Variants in DHX9 observed in about 807,000 individuals in gnomAD.
DHX9 encodes the protein DExH-box helicase 9, also known as ATP-dependent RNA helicase A.
A neutral mutation model predicts 148.7 loss-of-function variants in DHX9; 27 were observed. The observed-to-expected ratio is 0.18, with a 90% confidence interval of 0.13 to 0.25. The LOEUF (loss-of-function observed/expected upper bound fraction) is 0.25. Ranked by LOEUF, DHX9 falls within the 10% of genes least tolerant of loss-of-function variation. The probability of loss-of-function intolerance (pLI) is 1.00; values close to 1 mark genes in which losing one functional copy is unlikely to be tolerated. For synonymous variants in DHX9, 529 were observed against 516.6 expected (o/e 1.02, Z -0.33); for missense variants, 796 against 1,559.6 (o/e 0.51, Z 8.25).
chr1:182,881,257 A>G lies in DHX9; in HGVS notation c.2625-7A>G. On this transcript the variant is annotated splice_region_variant and splice_polypyrimidine_tract_variant and intron_variant, in intron 22 of 27. Transcript: ENST00000367549. ...AGTCTGGATTTAACTGTCTTTGTGT[A>G]TTTCAGCGTGGGAGATGCTATCTGT... 1 of 1,611,060 alleles carries G rather than the reference A, an allele frequency of 6.2e-7. No individual in the cohort carries two copies. The highest frequency in any genetic ancestry group is 8.5e-7 in the Non-Finnish European group (1 of 1,178,816).
intron 1 of DHX9, among the ~76,000 whole-genome samples, chr1:182,840,587 C>T (rs969437377): frequency 6.6e-6 from 1 of 152,148 alleles, no homozygotes; most frequent in African/African-American, 2.4e-5. Flanking sequence ...CGTGAGCCTC[C>T]GCGCCCGCCC....
chr1:182,873,312 C>A (rs1454236536), intron 15 of DHX9, among the ~76,000 whole-genome samples: 1 of 151,948 alleles, frequency 6.6e-6, no homozygotes, highest in Non-Finnish European at 1.5e-5. Context: ...CATCTGGTAG[C>A]TGTGGGGGAA....
intron 3 of DHX9, among the ~76,000 whole-genome samples, chr1:182,851,077 C>T (rs1668135537): frequency 6.6e-6 from 1 of 152,172 alleles, no homozygotes; most frequent in Admixed American, 6.5e-5. Context: ...TGAATTTTTC[C>T]TGTGCCTTGG....
chr1:182,860,856 A>G (rs1209704865), intron 12 of DHX9, among the ~76,000 whole-genome samples: 1 of 152,224 alleles, frequency 6.6e-6, no homozygotes, highest in African/African-American at 2.4e-5. Context: ...CTCTCAGGTT[A>G]AACAGTTCCG....
chr1:182,841,327 T>C (rs1667924006), intron 1 of DHX9, among the ~76,000 whole-genome samples: 1 of 152,066 alleles, frequency 6.6e-6, no homozygotes. Flanking sequence ...AGTTTAAATA[T>C]ATGTATTTGG....
At chr1:182,867,433 T>C (rs1423897248) in intron 14 of DHX9, among the ~76,000 whole-genome samples, 5 of 152,258 alleles carry the variant, frequency 3.3e-5, no homozygotes, top group African/African-American at 1.2e-4. Context: ...GACAGAGTCT[T>C]GCTCTGTCAC....
At chr1:182,885,099 G>A (rs1649264590) in intron 27 of DHX9, among the ~76,000 whole-genome samples, 1 of 152,162 alleles carries the variant, frequency 6.6e-6, no homozygotes, top group Admixed American at 6.5e-5. Flanking sequence ...CACATGACAG[G>A]GAAGTGACAC....
chr1:182,849,992 C>CT (rs58198758), intron 3 of DHX9, among the ~76,000 whole-genome samples: 42 of 107,088 alleles, frequency 3.9e-4, no homozygotes, highest in African/African-American at 4.6e-4. Flanking sequence ...ACCCCCCCCC[C>CT]TTTTTTTTTT....
chr1:182,847,490 T>G (rs1168136801), intron 3 of DHX9, among the ~76,000 whole-genome samples: 2 of 152,218 alleles, frequency 1.3e-5, no homozygotes, highest in African/African-American at 4.8e-5. Flanking sequence ...AGGACAGCCA[T>G]GGAAGAGTCC....
intron 1 of DHX9, 29 bp from the exon 2 acceptor site, chr1:182,842,516 C>G: frequency 7.3e-7 from 1 of 1,361,440 alleles, no homozygotes; most frequent in Non-Finnish European, 1.0e-6. Flanking sequence ...ATTATAAATG[C>G]TGTTTTTAAC....
At chr1:182,840,883 G>T (rs995031947) in intron 1 of DHX9, among the ~76,000 whole-genome samples, 4 of 152,186 alleles carry the variant, frequency 2.6e-5, no homozygotes, top group Admixed American at 1.3e-4. Flanking sequence ...TGTAGGGGTA[G>T]GGTGTTGGAA....
intron 3 of DHX9, among the ~76,000 whole-genome samples, chr1:182,844,420 CTCAA>C (rs1198880477): frequency 1.1e-4 from 16 of 152,084 alleles, no homozygotes; most frequent in East Asian, 9.6e-4. Context: ...CTTTTTGGGG[CTCAA>C]TCAAACTCTT....
At chr1:182,853,911 C>T (rs1284675649) in intron 5 of DHX9, 119 bp from the exon 6 acceptor site, 2 of 884,650 alleles carry the variant, frequency 2.3e-6, no homozygotes, top group Non-Finnish European at 1.7e-6. Context: ...GGATTATAAA[C>T]TATCAAAAAC....
intron 12 of DHX9, among the ~76,000 whole-genome samples, chr1:182,866,022 GAATT>G (rs1648279480): frequency 6.6e-6 from 1 of 152,154 alleles, no homozygotes; most frequent in Non-Finnish European, 1.5e-5. Flanking sequence ...TTTGATTACT[GAATT>G]AATAAGTGAG....
At chr1:182,844,530 G>A (rs1343206522) in intron 3 of DHX9, among the ~76,000 whole-genome samples, 1 of 151,996 alleles carries the variant, frequency 6.6e-6, no homozygotes, top group African/African-American at 2.4e-5. Context: ...TAAGAAATAA[G>A]GTTTTTTTTG....
Position 182,872,319 on chromosome 1 carries a change from GTGTT to G in DHX9, c.1558-12_1558-9del. The G allele has an allele frequency of 5.0e-6, 8 of 1,591,226 alleles. No homozygotes were observed. Among genetic ancestry groups the G allele is most frequent in the Non-Finnish European group, 6.0e-6 (7 of 1,169,622 alleles). On this transcript the variant is annotated splice_polypyrimidine_tract_variant and intron_variant, in intron 14 of 27. Transcript: ENST00000367549. ...AACTTAATGTAATTTCAAAAATTTT[GTGTT>G]TGTTTTTTAATAGACTGACTTCCTT...
chr1:182,856,735 A>G (rs1668257770), intron 7 of DHX9, among the ~76,000 whole-genome samples, 157 bp downstream of exon 7: 2 of 152,248 alleles, frequency 1.3e-5, no homozygotes, highest in Admixed American at 6.5e-5. Flanking sequence ...TAGTAATTAT[A>G]TAAATTAGAG....
chr1:182,865,480 G>A (rs990359973), intron 12 of DHX9, among the ~76,000 whole-genome samples: 3 of 152,180 alleles, frequency 2.0e-5, no homozygotes, highest in African/African-American at 4.8e-5. Context: ...GGTGACATAG[G>A]TGGAAAAATC....
intron 7 of DHX9, 75 bp from the exon 8 acceptor site, chr1:182,858,029 A>AT: frequency 6.7e-7 from 1 of 1,495,352 alleles, no homozygotes; most frequent in East Asian, 2.3e-5. Context: ...ACGTAAGCCC[A>AT]TAGTTTCTTG....
Sources: allele counts gnomAD v4.1 joint callset (sites outside exome capture counted in the v4.1 genomes callset), GRCh38; gene constraint gnomAD v4.1.1; transcripts MANE v1.5; gene names NCBI Gene and HGNC (gene_info 2026-07-23, HGNC 2026-07-21).